CFAP54: variants seen among roughly 807,000 people sequenced by gnomAD.
CFAP54 encodes the protein cilia and flagella associated protein 54, also known as cilia- and flagella-associated protein 54.
Under a neutral mutation model 370.4 loss-of-function variants are expected in CFAP54, and 290 were observed. The observed-to-expected ratio is 0.78, with a 90% CI of 0.71 to 0.86. The LOEUF (loss-of-function observed/expected upper bound fraction) is 0.86, where lower values mean the gene tolerates loss of function less well. Ranked by LOEUF, CFAP54 falls within the 40% of genes least tolerant of loss-of-function variation. CFAP54 has a pLI of 0.00. For synonymous variants in CFAP54, 1,206 were observed against 1,236.5 expected, an observed-to-expected ratio of 0.98 and a Z score of 0.52; for missense variants, 3,399 against 3,528.7, an observed-to-expected ratio of 0.96 and a Z score of 0.93.
At chr12:96,571,545 A>G (rs1262648303) in intron 19 of CFAP54, among the ~76,000 whole-genome samples, 1 of 152,170 alleles carries the variant, frequency 6.6e-6, no homozygotes, top group Non-Finnish European at 1.5e-5. Flanking sequence ...TTCATTATTG[A>G]TACGTCATGG....
At chr12:96,494,812 C>T (rs1380313786) in intron 1 of CFAP54, among the ~76,000 whole-genome samples, 2 of 151,888 alleles carry the variant, frequency 1.3e-5, no homozygotes, top group Admixed American at 6.6e-5. Flanking sequence ...CTGCAGCTTC[C>T]GCCTCCCGGA....
At chr12:96,620,582 C>G (rs1956475985) in intron 26 of CFAP54, among the ~76,000 whole-genome samples, 3 of 152,170 alleles carry the variant, frequency 2.0e-5, no homozygotes, top group Non-Finnish European at 2.9e-5. Context: ...AGTGTGAGAA[C>G]AAACTAATAC....
Position 96,742,368 on chromosome 12 carries a change from T to C in CFAP54, c.7072-71T>C, listed in dbSNP as rs546380836. 1.7e-4 allele frequency: 196 copies of C among 1,152,980 alleles called. No individual in the cohort carries two copies. In the South Asian group the frequency reaches 2.6e-3, roughly 16 times the overall value. The allele number at this position is 1,152,980 out of a possible 1,614,324, so 71.4% of individuals were successfully genotyped here. A position where few individuals can be genotyped will look rare whatever the true frequency, so the allele number is the denominator to read the frequency against. ...TACCAGATGCCTTTTAAACTTACAT[T>C]ACATTTAGTCTTAGGCTAGAACCTT... On this transcript the variant is annotated intron_variant, in intron 51 of 67. Coordinates refer to ENST00000524981, the MANE Select transcript of CFAP54 (RefSeq NM_001306084.2).
chr12:96,658,578 A>G (rs1415437952), intron 38 of CFAP54, among the ~76,000 whole-genome samples: 2 of 152,144 alleles, frequency 1.3e-5, no homozygotes, highest in African/African-American at 4.8e-5. Context: ...TAACTTAGCC[A>G]TAAAGCACAA....
chr12:96,769,964 C>T (rs1958443291), intron 60 of CFAP54, among the ~76,000 whole-genome samples: 1 of 152,072 alleles, frequency 6.6e-6, no homozygotes, highest in Non-Finnish European at 1.5e-5. Flanking sequence ...CTGATTTTTC[C>T]CTCCCATACC....
chr12:96,669,192 G>A (rs546279641), intron 39 of CFAP54, among the ~76,000 whole-genome samples: 83 of 152,290 alleles, frequency 5.5e-4, no homozygotes, highest in African/African-American at 1.9e-3. Context: ...CAAAAGCTGA[G>A]GTTAGAAAGG....
chr12:96,722,072 A>G (rs1374155564), intron 50 of CFAP54, among the ~76,000 whole-genome samples: 1 of 152,142 alleles, frequency 6.6e-6, no homozygotes, highest in Non-Finnish European at 1.5e-5. Flanking sequence ...CTTTGGTGTT[A>G]GTGGAAAGTT....
intron 42 of CFAP54, among the ~76,000 whole-genome samples, chr12:96,686,915 A>G (rs559709829): frequency 8.7e-4 from 133 of 152,334 alleles, no homozygotes; most frequent in Admixed American, 2.0e-3. Flanking sequence ...AAAACAAAAC[A>G]GGTTTATTAT....
Position 96,500,466 on chromosome 12 carries a change from A to G in CFAP54, c.318-368A>G, listed in dbSNP as rs529872185. On this transcript the variant is annotated intron_variant, in intron 1 of 67. Transcript: ENST00000524981. ...GACTTTGGGTGATAATGATGTGTCA[A>G]TGTAGGTTCATCACAACAAAGGTAC... 1.4e-3 allele frequency among the ~76,000 whole-genome samples: 211 copies of G among 152,300 alleles called. 2 individuals carry two copies. The highest frequency in any genetic ancestry group is 4.8e-3 in the African/African-American group (198 of 41,564).
chr12:96,806,178 AT>A (rs1565984840), intron 63 of CFAP54, among the ~76,000 whole-genome samples: 2,364 of 65,670 alleles, frequency 0.036, 289 homozygotes, highest in Non-Finnish European at 0.054. Context: ...ATATATATAT[AT>A]ATATATATAT....
At chr12:96,712,413 T>C (rs550046857) in intron 48 of CFAP54, among the ~76,000 whole-genome samples, 1 of 152,294 alleles carries the variant, frequency 6.6e-6, no homozygotes, top group African/African-American at 2.4e-5. Context: ...TATGTAATAG[T>C]TGTACATGTA....
chr12:96,740,222 T>C (rs965876022), intron 51 of CFAP54, among the ~76,000 whole-genome samples, 161 bp downstream of exon 51: 3 of 152,232 alleles, frequency 2.0e-5, no homozygotes, highest in African/African-American at 7.2e-5. Flanking sequence ...TATTTATTTA[T>C]TGGTATACCT....
chr12:96,733,050 G>A (rs758052338), intron 50 of CFAP54, among the ~76,000 whole-genome samples: 1 of 151,990 alleles, frequency 6.6e-6, no homozygotes, highest in African/African-American at 2.4e-5. Context: ...GCCATAGAAA[G>A]GACTGTCATA....
At chr12:96,657,726 C>G (rs553501233) in intron 36 of CFAP54, among the ~76,000 whole-genome samples, 156 bp from the exon 37 acceptor site, 18 of 152,298 alleles carry the variant, frequency 1.2e-4, no homozygotes, top group African/African-American at 3.4e-4. Context: ...GATAATACTG[C>G]ATCAAATTAT....
chr12:96,746,696 A>T (rs1449666772), intron 55 of CFAP54, among the ~76,000 whole-genome samples: 2 of 151,866 alleles, frequency 1.3e-5, no homozygotes, highest in Non-Finnish European at 2.9e-5. Flanking sequence ...GCCCCTTCCC[A>T]CCCAACCCTC....
intron 19 of CFAP54, among the ~76,000 whole-genome samples, chr12:96,575,229 T>G (rs1955963008): frequency 6.6e-6 from 1 of 152,142 alleles, no homozygotes; most frequent in East Asian, 1.9e-4. Flanking sequence ...TTCCTTTTTA[T>G]TATTGAGTTA....
chr12:96,576,844 T>C, intron 20 of CFAP54, 83 bp downstream of exon 20: 1 of 1,148,220 alleles, frequency 8.7e-7, no homozygotes, highest in Non-Finnish European at 1.2e-6. Flanking sequence ...TTTGATTGCT[T>C]TTAGGAACTG....
chr12:96,719,203 G>A (rs1379143842), intron 49 of CFAP54, among the ~76,000 whole-genome samples: 1 of 152,116 alleles, frequency 6.6e-6, no homozygotes, highest in African/African-American at 2.4e-5. Context: ...ATTTTGAACT[G>A]TGCTGTGCTG....
At chr12:96,750,244 G>T (rs1958167301) in intron 55 of CFAP54, among the ~76,000 whole-genome samples, 1 of 152,112 alleles carries the variant, frequency 6.6e-6, no homozygotes, top group South Asian at 2.1e-4. Flanking sequence ...TACCAGCTCT[G>T]TCTGTTCTTA....
Sources: gnomAD v4.1 joint callset for allele counts (sites outside exome capture counted in the v4.1 genomes callset) on GRCh38, gnomAD v4.1.1 for gene constraint, MANE v1.5 for transcripts, NCBI Gene and HGNC (gene_info 2026-07-23, HGNC 2026-07-21) for gene names.